CAPZA2: variants seen among roughly 807,000 people sequenced by gnomAD.
CAPZA2 encodes F-actin-capping protein subunit alpha-2.
A neutral mutation model predicts 44.0 loss-of-function variants in CAPZA2; 13 were observed. That is an observed-to-expected ratio of 0.30 (90% CI 0.19 to 0.47). The LOEUF is 0.47. Among genes scored for constraint, CAPZA2 ranks in the 20% least tolerant of loss-of-function variants. The pLI is 1.00. For synonymous variants in CAPZA2, 94 were observed against 108.2 expected (o/e 0.87, Z 0.81); for missense variants, 244 against 338.6 (o/e 0.72, Z 2.19).
chr7:116,871,860 G>A (rs1208297121), intron 1 of CAPZA2, among the ~76,000 whole-genome samples: 5 of 152,288 alleles, frequency 3.3e-5, no homozygotes, highest in South Asian at 4.1e-4. Flanking sequence ...CCAGTAGAGC[G>A]CCTAGCCTGT....
At chr7:116,877,151 C>T (rs760487594) in intron 1 of CAPZA2, among the ~76,000 whole-genome samples, 1 of 152,130 alleles carries the variant, frequency 6.6e-6, no homozygotes, top group African/African-American at 2.4e-5. Context: ...TCAAGGCACA[C>T]GTAATATTGA....
At chr7:116,884,133 G>A (rs1796733105) in intron 1 of CAPZA2, among the ~76,000 whole-genome samples, 1 of 151,926 alleles carries the variant, frequency 6.6e-6, no homozygotes, top group Non-Finnish European at 1.5e-5. Context: ...ATGCACAATG[G>A]CCTATACCCT....
chr7:116,881,927 G>C (rs181882015), intron 1 of CAPZA2, among the ~76,000 whole-genome samples: 2 of 152,030 alleles, frequency 1.3e-5, no homozygotes, highest in Non-Finnish European at 1.5e-5. Context: ...AGTACAGACT[G>C]ATTATTTTGT....
At chr7:116,865,756 A>T (rs887722654) in intron 1 of CAPZA2, among the ~76,000 whole-genome samples, 8 of 152,012 alleles carry the variant, frequency 5.3e-5, no homozygotes, top group East Asian at 3.9e-4. Flanking sequence ...ATTTAAAAAA[A>T]TTTTTTGTAG....
intron 1 of CAPZA2, among the ~76,000 whole-genome samples, chr7:116,879,145 A>AAAAAG (rs1562957848): frequency 3.1e-4 from 46 of 150,148 alleles, no homozygotes; most frequent in African/African-American, 9.4e-4. Flanking sequence ...AAAAAAAAAA[A>AAAAAG]AAAAGAAAAG....
At position 116,913,801 on chromosome 7, in the gene CAPZA2, GATGGGGTTTCACC is replaced by G. The variant is rs1160978317; in HGVS notation, c.657+1665_657+1677del. Among the ~76,000 whole-genome samples the G allele has an allele frequency of 2.6e-4, 33 of 126,224 alleles. 1 individual carries two copies. Among genetic ancestry groups the G allele is most frequent in the Non-Finnish European group, 2.4e-4 (15 of 61,426 alleles). The allele number at this position is 126,224 out of a possible 152,430, so 82.8% of individuals were successfully genotyped here. ...TTTTTTTTTTTTTTTTTTTGGTAGA[GATGGGGTTTCACC>G]ATGTTGCCCAGCTAGTCTTGAACTC... On this transcript the variant is annotated intron_variant, in intron 8 of 9. Coordinates refer to ENST00000361183, the MANE Select transcript of CAPZA2 (RefSeq NM_006136.3).
At chr7:116,878,769 A>C (rs1176821920) in intron 1 of CAPZA2, among the ~76,000 whole-genome samples, 2 of 152,204 alleles carry the variant, frequency 1.3e-5, no homozygotes, top group Non-Finnish European at 2.9e-5. Flanking sequence ...GCCACTCTTG[A>C]ACAGTGTAGG....
chr7:116,912,291 T>G, intron 8 of CAPZA2, 151 bp downstream of exon 8: 1 of 1,182,906 alleles, frequency 8.5e-7, no homozygotes. Flanking sequence ...GTACCTAACT[T>G]TTTTGCAGCT....
chr7:116,867,076 G>A (rs1467220343), intron 1 of CAPZA2, among the ~76,000 whole-genome samples: 2 of 151,886 alleles, frequency 1.3e-5, no homozygotes, highest in Non-Finnish European at 1.5e-5. Flanking sequence ...CACTTCCATC[G>A]TCAAAATATG....
rs374485260 is a variant in CAPZA2, at chr7:116,871,987, TTTG to T, written c.39+9358_39+9360del. Among the ~76,000 whole-genome samples the T allele has an allele frequency of 3.8e-4, 58 of 152,126 alleles. 1 individual carries two copies. The highest frequency in any genetic ancestry group is 2.5e-3 in the Admixed American group (38 of 15,270). On this transcript the variant is annotated intron_variant, in intron 1 of 9. Coordinates refer to ENST00000361183, the MANE Select transcript of CAPZA2 (RefSeq NM_006136.3). ...AGGCCTGGAGTGTCTGTAATTCCTT[TTTG>T]TTGTTGTTGTTGTTGTTGTTTTAAA...
intron 1 of CAPZA2, among the ~76,000 whole-genome samples, chr7:116,887,745 A>G (rs1796782840): frequency 6.6e-6 from 1 of 152,254 alleles, no homozygotes; most frequent in Non-Finnish European, 1.5e-5. Flanking sequence ...AGGCAGGAGA[A>G]TCACGTAAAC....
intron 2 of CAPZA2, among the ~76,000 whole-genome samples, chr7:116,890,777 C>CAAA (rs576504004): frequency 0.02 from 1,022 of 51,718 alleles, 88 homozygotes; most frequent in South Asian, 0.031. Context: ...GACTCTGTCT[C>CAAA]AAAAAAAAAA....
intron 4 of CAPZA2, among the ~76,000 whole-genome samples, chr7:116,903,269 T>TAC (rs1379642823): frequency 6.7e-6 from 1 of 149,278 alleles, no homozygotes; most frequent in Non-Finnish European, 1.5e-5. Context: ...TGTGTGTGTG[T>TAC]GTACGTACAC....
At chr7:116,865,657 GC>G (rs1306771241) in intron 1 of CAPZA2, among the ~76,000 whole-genome samples, 1 of 152,120 alleles carries the variant, frequency 6.6e-6, no homozygotes, top group African/African-American at 2.4e-5. Flanking sequence ...GCTCACTGCA[GC>G]CTCAACTTCC....
chr7:116,880,135 A>T (rs769428175), intron 1 of CAPZA2: 3 of 468,176 alleles, frequency 6.4e-6, no homozygotes, highest in South Asian at 1.6e-5. Context: ...ATTTTTTTTT[A>T]AAGTAAATGA....
Position 116,893,759 on chromosome 7 carries a change from G to A in CAPZA2, c.155+714G>A, listed in dbSNP as rs150759759. ...GTTTATTTACTCATAAATGCCTAACGTAGTACCTGACACATACATGTACAC... is the reference window on the plus strand; with the variant it reads ...GTTTATTTACTCATAAATGCCTAACATAGTACCTGACACATACATGTACAC... On this transcript the variant is annotated intron_variant, in intron 3 of 9. Transcript: ENST00000361183. Among the ~76,000 whole-genome samples the A allele has an allele frequency of 2.3e-3, 346 of 152,224 alleles. 4 individuals are homozygous for A. Among genetic ancestry groups the A allele is most frequent in the African/African-American group, 7.9e-3 (329 of 41,528 alleles).
At chr7:116,867,869 C>T (rs1415640010) in intron 1 of CAPZA2, among the ~76,000 whole-genome samples, 2 of 152,120 alleles carry the variant, frequency 1.3e-5, no homozygotes, top group Non-Finnish European at 1.5e-5. Flanking sequence ...CAGGCGTGAG[C>T]GACCACTCCC....
chr7:116,904,830 A>G (rs1442173022), intron 5 of CAPZA2: 1 of 155,106 alleles, frequency 6.4e-6, no homozygotes, highest in African/African-American at 2.4e-5. Context: ...ACCTATTTTT[A>G]TATTTTCAAG....
rs1290778489 is a variant in CAPZA2, at chr7:116,903,429, CTA to C, written c.220-746_220-745del. ...TATCTTTATCTGTAAGATTTTATGA[CTA>C]TGAAAAAAAATTTAGAAAGGTATAT... On this transcript the variant is annotated intron_variant, in intron 4 of 9. Transcript: ENST00000361183. 2.0e-5 allele frequency among the ~76,000 whole-genome samples: 3 copies of C among 151,616 alleles called. No homozygotes were observed. In the South Asian group the frequency reaches 6.3e-4, roughly 32 times the overall value.
Sources: gnomAD v4.1 joint callset for allele counts (sites outside exome capture counted in the v4.1 genomes callset) on GRCh38, gnomAD v4.1.1 for gene constraint, MANE v1.5 for transcripts, NCBI Gene and HGNC (gene_info 2026-07-23, HGNC 2026-07-21) for gene names.